Variants in GAS7 observed in about 807,000 individuals in gnomAD.
The protein encoded by GAS7 is growth arrest specific 7.
A neutral mutation model predicts 71.1 loss-of-function variants in GAS7; 28 were observed. The ratio of observed to expected loss-of-function variants is 0.39; its 90% CI spans 0.29 to 0.54. The LOEUF is 0.54. GAS7 is among the 20% of genes least tolerant of loss of function. GAS7 has a pLI of 0.62. For synonymous variants in GAS7, 258 were observed against 245.8 expected, an observed-to-expected ratio of 1.05 and a Z score of -0.46; for missense variants, 436 against 627.8, an observed-to-expected ratio of 0.69 and a Z score of 3.27.
intron 1 of GAS7, among the ~76,000 whole-genome samples, chr17:10,099,203 A>G (rs2073673465): frequency 6.6e-6 from 1 of 152,172 alleles, no homozygotes; most frequent in South Asian, 2.1e-4. Flanking sequence ...AGGTGGAGAC[A>G]CACCCATCCA....
At chr17:10,095,916 G>A (rs1452304470) in intron 1 of GAS7, among the ~76,000 whole-genome samples, 1 of 151,938 alleles carries the variant, frequency 6.6e-6, no homozygotes, top group African/African-American at 2.4e-5. Context: ...TTTGCAGAAT[G>A]ACGTGTTCTC....
chr17:10,102,797 A>G lies in GAS7; in HGVS notation c.184-82900T>C, dbSNP rs528499098. Among the ~76,000 whole-genome samples, 17 of 151,422 alleles carry G rather than the reference A, an allele frequency of 1.1e-4. No individual in the cohort carries two copies. The East Asian group carries it at 3.3e-3, about 29-fold the overall frequency. The stretch of plus-strand genomic sequence containing the variant: ...TTCCGGGTCTTTATGTTCCCCAGAT[A>G]ATTCCAACATTGACAAGACCCATTT... On this transcript the variant is annotated intron_variant, in intron 1 of 13. Transcript: ENST00000432992.
intron 2 of GAS7, among the ~76,000 whole-genome samples, chr17:10,013,491 C>T (rs1396669807): frequency 6.6e-6 from 1 of 152,164 alleles, no homozygotes; most frequent in Non-Finnish European, 1.5e-5. Flanking sequence ...GATACCAAAA[C>T]CCTGGGAGTT....
chr17:10,028,679 G>GT (rs2072533451), intron 1 of GAS7, among the ~76,000 whole-genome samples: 1 of 150,150 alleles, frequency 6.7e-6, no homozygotes, highest in Non-Finnish European at 1.5e-5. Flanking sequence ...AGGCAAGTTG[G>GT]TTTGAAAAAA....
chr17:10,122,093 G>A (rs555467824), intron 1 of GAS7, among the ~76,000 whole-genome samples: 8 of 152,214 alleles, frequency 5.3e-5, no homozygotes, highest in South Asian at 2.1e-4. Flanking sequence ...CATCATCAAC[G>A]AGATGTAAAC....
At chr17:10,043,465 C>G (rs9909920) in intron 1 of GAS7, among the ~76,000 whole-genome samples, 1 of 152,004 alleles carries the variant, frequency 6.6e-6, no homozygotes, top group African/African-American at 2.4e-5. Context: ...AAATCTGTAC[C>G]TAACTTTTGA....
At chr17:10,087,235 G>T (rs2152254329) in intron 1 of GAS7, among the ~76,000 whole-genome samples, 1 of 152,330 alleles carries the variant, frequency 6.6e-6, no homozygotes, top group Non-Finnish European at 1.5e-5. Context: ...CATGGGTTCA[G>T]CTACCCCCAC....
At chr17:9,917,736 T>C (rs981841055) in intron 13 of GAS7, among the ~76,000 whole-genome samples, 1 of 152,264 alleles carries the variant, frequency 6.6e-6, no homozygotes, top group Admixed American at 6.5e-5. Flanking sequence ...CTTCAGCTAC[T>C]GTAACTGTTA....
intron 8 of GAS7, among the ~76,000 whole-genome samples, chr17:9,934,483 C>T (rs781064073): frequency 6.6e-5 from 10 of 151,822 alleles, no homozygotes; most frequent in South Asian, 2.1e-4. Context: ...CAGACTGTGG[C>T]GCACAGCCAA....
At chr17:9,946,082 T>C (rs893226281) in intron 6 of GAS7, among the ~76,000 whole-genome samples, 1 of 152,206 alleles carries the variant, frequency 6.6e-6, no homozygotes, top group Non-Finnish European at 1.5e-5. Context: ...ATGTACAATT[T>C]AGTGGTTTTC....
intron 5 of GAS7, among the ~76,000 whole-genome samples, chr17:9,953,374 C>T (rs977821550): frequency 6.6e-6 from 1 of 152,208 alleles, no homozygotes; most frequent in African/African-American, 2.4e-5. Context: ...GTGCCTGCCA[C>T]TGTCTCTGTC....
At chr17:9,956,042 G>C (rs975919710) in intron 5 of GAS7, among the ~76,000 whole-genome samples, 4 of 152,216 alleles carry the variant, frequency 2.6e-5, no homozygotes, top group African/African-American at 9.6e-5. Flanking sequence ...CCACCTGGCT[G>C]AGGTGTGAGA....
chr17:10,054,628 C>T (rs2073110749), intron 1 of GAS7, among the ~76,000 whole-genome samples: 1 of 152,178 alleles, frequency 6.6e-6, no homozygotes, highest in Admixed American at 6.5e-5. Flanking sequence ...CCTTTATAAG[C>T]AGTCGTTTGA....
rs1256626512 is a variant in GAS7, at chr17:10,195,076, T to A, written c.183+3132A>T. The stretch of plus-strand genomic sequence containing the variant: ...GTAGGAAGAACCCTTGTGGCCAGAG[T>A]CCTTGGGCCTACCAGAGACCTCTAC... On this transcript the variant is annotated intron_variant, in intron 1 of 13. Transcript: ENST00000432992. Among the ~76,000 whole-genome samples the A allele has an allele frequency of 1.3e-5, 2 of 151,966 alleles. 1 individual carries two copies. The highest frequency in any genetic ancestry group is 2.9e-5 in the Non-Finnish European group (2 of 67,992).
At chr17:10,108,731 G>A (rs2073782761) in intron 1 of GAS7, among the ~76,000 whole-genome samples, 2 of 152,196 alleles carry the variant, frequency 1.3e-5, no homozygotes, top group South Asian at 2.1e-4. Context: ...ACACATTGAG[G>A]AAAGGACAGT....
intron 3 of GAS7, among the ~76,000 whole-genome samples, chr17:9,978,260 G>C (rs1281134238): frequency 1.3e-5 from 2 of 151,188 alleles, no homozygotes; most frequent in African/African-American, 4.9e-5. Flanking sequence ...GCAGGGCCTC[G>C]TTTTATCTCT....
chr17:10,124,744 C>G (rs553460819), intron 1 of GAS7, among the ~76,000 whole-genome samples: 2 of 152,138 alleles, frequency 1.3e-5, no homozygotes, highest in South Asian at 4.2e-4. Context: ...ATGGTGAAAC[C>G]CTGTCTCTAC....
At chr17:10,077,761 A>C (rs2073411085) in intron 1 of GAS7, among the ~76,000 whole-genome samples, 1 of 152,236 alleles carries the variant, frequency 6.6e-6, no homozygotes, top group Admixed American at 6.5e-5. Flanking sequence ...TTAAGATCAG[A>C]CCAATTTCCT....
At chr17:10,080,094 T>C (rs1052566038) in intron 1 of GAS7, among the ~76,000 whole-genome samples, 2 of 152,136 alleles carry the variant, frequency 1.3e-5, no homozygotes, top group Non-Finnish European at 2.9e-5. Flanking sequence ...GGCCACAAGA[T>C]ACAGGTCATA....
Sources: allele counts gnomAD v4.1 joint callset (sites outside exome capture counted in the v4.1 genomes callset), GRCh38; gene constraint gnomAD v4.1.1; transcripts MANE v1.5; gene names NCBI Gene and HGNC (gene_info 2026-07-23, HGNC 2026-07-21).